Variants in SAXO1 observed in about 807,000 individuals in gnomAD.
SAXO1 encodes 4930500O09Rik.
In SAXO1, 21 loss-of-function variants were observed where a neutral mutation model predicts 17.5. The observed-to-expected ratio is 1.20, with a 90% CI of 0.85 to 1.72. The LOEUF (loss-of-function observed/expected upper bound fraction) is 1.72. Among genes scored for constraint, SAXO1 ranks in the 40% most tolerant of loss-of-function variants. The pLI is 0.00. For missense variants in SAXO1, 843 were observed against 596.0 expected (o/e 1.41, Z -4.32); for synonymous variants, 274 against 216.5 (o/e 1.27, Z -2.33).
At chr9:19,007,950 T>C (rs1193636108) in intron 1 of SAXO1, among the ~76,000 whole-genome samples, 1 of 151,218 alleles carries the variant, frequency 6.6e-6, no homozygotes, top group Non-Finnish European at 1.5e-5. Context: ...AGTCTGCAAG[T>C]CCTCAAACAT....
chr9:19,033,016 C>A lies in SAXO1; in HGVS notation c.-108G>T. The A allele has an allele frequency of 1.7e-6, 2 of 1,174,858 alleles. No individual in the cohort carries two copies. The highest frequency in any genetic ancestry group is 2.8e-5 in the East Asian group (1 of 36,034). The allele number at this position is 1,174,858 out of a possible 1,614,324, so 72.8% of individuals were successfully genotyped here. Reference sequence around the variant, plus strand: ...GCACGCCCAGGCTCGAGGGTCTTGGCAGGTGTTCTGTTTACTCGAAGGAAA... The same window carrying A: ...GCACGCCCAGGCTCGAGGGTCTTGGAAGGTGTTCTGTTTACTCGAAGGAAA... On this transcript the variant is annotated 5_prime_UTR_variant, in exon 1 of 4. Coordinates refer to ENST00000380534, the MANE Select transcript of SAXO1 (RefSeq NM_153707.4).
chr9:18,946,813 T>A (rs1831817172), intron 2 of SAXO1, among the ~76,000 whole-genome samples: 1 of 151,990 alleles, frequency 6.6e-6, no homozygotes, highest in Non-Finnish European at 1.5e-5. Context: ...AGAAACTATA[T>A]AAAACAAGAA....
At chr9:19,011,572 G>A (rs748373600) in intron 1 of SAXO1, among the ~76,000 whole-genome samples, 146 of 152,190 alleles carry the variant, frequency 9.6e-4, no homozygotes, top group African/African-American at 2.6e-3. Context: ...ACATCCTATC[G>A]GCAAATTGGT....
chr9:19,007,251 G>T (rs1044709619), intron 1 of SAXO1, among the ~76,000 whole-genome samples: 1 of 151,902 alleles, frequency 6.6e-6, no homozygotes, highest in African/African-American at 2.4e-5. Flanking sequence ...GGAGGCTGAG[G>T]CAGGAAAATC....
At chr9:18,971,019 A>T (rs1368224128) in intron 1 of SAXO1, among the ~76,000 whole-genome samples, 2 of 152,012 alleles carry the variant, frequency 1.3e-5, no homozygotes, top group Non-Finnish European at 2.9e-5. Flanking sequence ...GGGGAGGATA[A>T]ATGGGTTCCC....
At chr9:18,945,977 T>G (rs540170815) in intron 2 of SAXO1, among the ~76,000 whole-genome samples, 1 of 152,190 alleles carries the variant, frequency 6.6e-6, no homozygotes, top group South Asian at 2.1e-4. Context: ...TTTTCTTGAC[T>G]ACAAAAACCA....
In SAXO1 at chr9:18,928,107, A is replaced by T. The variant is rs181070246; in HGVS notation, c.1370T>A (p.Leu457His). 1 of 1,613,900 alleles carries T rather than the reference A, an allele frequency of 6.2e-7. No homozygotes were observed. Among genetic ancestry groups the T allele is most frequent in the Admixed American group, 1.7e-5 (1 of 60,012 alleles). The change falls in exon 4 of 4, where the codon CTT (leucine) becomes CAT (histidine). Residue 457 changes from leucine (L) to histidine (H), a missense_variant. Coordinates refer to ENST00000380534, the MANE Select transcript of SAXO1 (RefSeq NM_153707.4). ...SQAGSQQSSH[L>H]SVDDSENPNQ... is the part of the protein sequence containing the mutation. ...GGGGTTTTCTGAATCATCTACAGAAAGATGGCTGCTCTGCTGAGAGCCTGC... is the reference window on the plus strand; with the variant it reads ...GGGGTTTTCTGAATCATCTACAGAATGATGGCTGCTCTGCTGAGAGCCTGC...
At chr9:19,043,332 G>A (rs1836123474) in intron 1 of SAXO1, among the ~76,000 whole-genome samples, 1 of 152,170 alleles carries the variant, frequency 6.6e-6, no homozygotes, top group African/African-American at 2.4e-5. Context: ...CTTATTTGTG[G>A]GAGCTGAAAA....
chr9:18,942,999 C>T (rs920390125), intron 2 of SAXO1, among the ~76,000 whole-genome samples: 22 of 152,372 alleles, frequency 1.4e-4, no homozygotes, highest in African/African-American at 4.3e-4. Context: ...TAGGCCCAAA[C>T]ACCAATAAAA....
intron 3 of SAXO1, among the ~76,000 whole-genome samples, chr9:18,933,341 G>C (rs1831137172): frequency 6.6e-6 from 1 of 151,862 alleles, no homozygotes; most frequent in South Asian, 2.1e-4. Flanking sequence ...CACCAACTTT[G>C]AATTCCCAGA....
intron 1 of SAXO1, among the ~76,000 whole-genome samples, chr9:18,980,854 C>T (rs1833359085): frequency 6.8e-6 from 1 of 147,960 alleles, no homozygotes; most frequent in Non-Finnish European, 1.5e-5. Context: ...AGAACCCTCA[C>T]CGCTCATCCA....
At chr9:19,018,167 CAA>C (rs879664616) in intron 1 of SAXO1, among the ~76,000 whole-genome samples, 2 of 130,892 alleles carry the variant, frequency 1.5e-5, no homozygotes, top group African/African-American at 2.8e-5. Context: ...GACCCCATCT[CAA>C]AAAAAAAAAA....
At chr9:18,963,965 A>C (rs1832606261) in intron 1 of SAXO1, among the ~76,000 whole-genome samples, 1 of 152,124 alleles carries the variant, frequency 6.6e-6, no homozygotes, top group Admixed American at 6.5e-5. Context: ...TGTTCCATCA[A>C]TACCTACTTT....
At chr9:18,985,210 T>G (rs1384839177) in intron 1 of SAXO1, among the ~76,000 whole-genome samples, 1 of 152,116 alleles carries the variant, frequency 6.6e-6, no homozygotes, top group Non-Finnish European at 1.5e-5. Context: ...TATACGGGCG[T>G]GGCTCATGGC....
At chr9:19,005,409 T>C (rs1209875641) in intron 1 of SAXO1, among the ~76,000 whole-genome samples, 1 of 152,084 alleles carries the variant, frequency 6.6e-6, no homozygotes, top group Non-Finnish European at 1.5e-5. Flanking sequence ...CAAAACAGTA[T>C]GATACTAGCA....
At chr9:18,936,652 T>C (rs1831305611) in intron 3 of SAXO1, among the ~76,000 whole-genome samples, 1 of 152,202 alleles carries the variant, frequency 6.6e-6, no homozygotes, top group Non-Finnish European at 1.5e-5. Flanking sequence ...GAATTTCACA[T>C]GACAAACTAT....
At chr9:19,040,209 A>C (rs1035794620) in intron 1 of SAXO1, among the ~76,000 whole-genome samples, 1 of 152,252 alleles carries the variant, frequency 6.6e-6, no homozygotes, top group African/African-American at 2.4e-5. Flanking sequence ...GGTAGAGTTT[A>C]CATGCTTTTC....
intron 1 of SAXO1, among the ~76,000 whole-genome samples, chr9:19,010,026 G>A (rs1438627871): frequency 1.1e-4 from 17 of 151,610 alleles, no homozygotes; most frequent in Admixed American, 1.1e-3. Flanking sequence ...ACAGGGTTTC[G>A]CCATGTTGCT....
At position 18,950,921 on chromosome 9, in the gene SAXO1, G is replaced by A. The variant is rs771178814; in HGVS notation, c.55C>T (p.His19Tyr). 18 of 1,612,542 alleles carry A rather than the reference G, an allele frequency of 1.1e-5. No individual in the cohort carries two copies. The highest frequency in any genetic ancestry group is 4.4e-5 in the South Asian group (4 of 90,978). The change falls in exon 2 of 4, where the codon CAT (histidine) becomes TAT (tyrosine). Residue 19 changes from histidine to tyrosine, a missense_variant. Transcript: ENST00000380534. ...LCSCGRHHCP[H>Y]LPTKIYDKTE... ...TTATCATAAATCTTGGTAGGGAGAT[G>A]TGGACAGTGATGCCGCCTATAAAAG...
Sources: allele counts gnomAD v4.1 joint callset (sites outside exome capture counted in the v4.1 genomes callset), GRCh38; gene constraint gnomAD v4.1.1; transcripts MANE v1.5; gene names NCBI Gene and HGNC (gene_info 2026-07-23, HGNC 2026-07-21).